The following TNKS variants were observed in gnomAD, a reference collection of about 807,000 sequenced individuals.
The protein encoded by TNKS is tankyrase.
TNKS carries 72 observed loss-of-function variants against 135.8 expected under a neutral mutation model. That is an observed-to-expected ratio of 0.53 (90% CI 0.44 to 0.64). The LOEUF (loss-of-function observed/expected upper bound fraction) is 0.64. Ranked by LOEUF, TNKS falls within the 30% of genes least tolerant of loss-of-function variation. The pLI, the probability that TNKS is intolerant of heterozygous loss-of-function variation, is 0.00. For missense variants in TNKS, 1,769 were observed against 1,674.0 expected (o/e 1.06, Z -0.99); for synonymous variants, 849 against 649.3 (o/e 1.31, Z -4.68).
rs142544035 is a variant in TNKS, at chr8:9,665,966, C to G, written c.995-13985C>G. 6.2e-3 allele frequency among the ~76,000 whole-genome samples: 950 copies of G among 152,240 alleles called. 12 individuals are homozygous for G. Among genetic ancestry groups the G allele is most frequent in the East Asian group, 0.047 (243 of 5,182 alleles). On this transcript the variant is annotated intron_variant, in intron 3 of 26. Transcript: ENST00000310430. ...TACTACTCTTCTCTCTTCTTCCTCCCCTCCTCTTTTTTTCTCTCTGTCCTC... is the reference window on the plus strand; with the variant it reads ...TACTACTCTTCTCTCTTCTTCCTCCGCTCCTCTTTTTTTCTCTCTGTCCTC...
At chr8:9,623,584 GA>G (rs1799946272) in intron 3 of TNKS, among the ~76,000 whole-genome samples, 1 of 152,130 alleles carries the variant, frequency 6.6e-6, no homozygotes. Flanking sequence ...CATGCTGTTA[GA>G]AAAATGGTGC....
At chr8:9,684,603 A>G (rs1039192320) in intron 5 of TNKS, among the ~76,000 whole-genome samples, 38 of 152,262 alleles carry the variant, frequency 2.5e-4, no homozygotes, top group African/African-American at 9.1e-4. Context: ...CTTTGAATAT[A>G]TCTACTCTGC....
chr8:9,739,846 A>C (rs1805832564), intron 17 of TNKS, among the ~76,000 whole-genome samples: 1 of 48,480 alleles, frequency 2.1e-5, no homozygotes. Flanking sequence ...ATAGGTGGGA[A>C]TTGAACAATG....
chr8:9,637,934 C>T (rs1479889576), intron 3 of TNKS, among the ~76,000 whole-genome samples: 3 of 151,988 alleles, frequency 2.0e-5, no homozygotes, highest in African/African-American at 4.8e-5. Context: ...AATGTGTGCC[C>T]TTCTGAATAT....
chr8:9,611,718 A>G (rs558130365), intron 2 of TNKS, among the ~76,000 whole-genome samples: 1 of 152,356 alleles, frequency 6.6e-6, no homozygotes, highest in South Asian at 2.1e-4. Flanking sequence ...ATAGTCCCAC[A>G]TAAATCCCCA....
intron 26 of TNKS, among the ~76,000 whole-genome samples, chr8:9,770,818 C>G (rs977462756): frequency 1.3e-5 from 2 of 152,104 alleles, no homozygotes; most frequent in African/African-American, 4.8e-5. Flanking sequence ...CAAAGGAATC[C>G]TGAACTCCTT....
At chr8:9,751,584 T>G in intron 18 of TNKS, 25 bp from the exon 19 acceptor site, 1 of 1,593,852 alleles carries the variant, frequency 6.3e-7, no homozygotes, top group Non-Finnish European at 8.6e-7. Context: ...ATTTTCATGG[T>G]TTTTGTTTTT....
chr8:9,756,843 T>C (rs1307594852), intron 20 of TNKS, among the ~76,000 whole-genome samples: 1 of 152,208 alleles, frequency 6.6e-6, no homozygotes, highest in East Asian at 1.9e-4. Flanking sequence ...TTATTCCCAG[T>C]TGCCTTCCCT....
intron 17 of TNKS, among the ~76,000 whole-genome samples, chr8:9,744,445 G>C (rs1162077167): frequency 1.3e-5 from 2 of 152,076 alleles, no homozygotes; most frequent in Non-Finnish European, 2.9e-5. Flanking sequence ...CAATTAAATG[G>C]CTTTAACTGA....
intron 2 of TNKS, among the ~76,000 whole-genome samples, chr8:9,595,504 G>C (rs1411338279): frequency 6.6e-6 from 1 of 151,770 alleles, no homozygotes; most frequent in Non-Finnish European, 1.5e-5. Context: ...TGATAAAATT[G>C]GGACTGTTTT....
At chr8:9,752,978 AAAAG>A (rs895587435) in intron 20 of TNKS, among the ~76,000 whole-genome samples, 8 of 152,026 alleles carry the variant, frequency 5.3e-5, no homozygotes, top group South Asian at 2.1e-4. Flanking sequence ...AAAAAAAAAA[AAAAG>A]AAAGACTTAT....
intron 2 of TNKS, among the ~76,000 whole-genome samples, chr8:9,603,975 TTAA>T (rs1799121695): frequency 6.6e-6 from 1 of 152,128 alleles, no homozygotes; most frequent in African/African-American, 2.4e-5. Context: ...AACAAAGATG[TTAA>T]TAATTGAAGA....
intron 2 of TNKS, among the ~76,000 whole-genome samples, chr8:9,584,468 GCAGTGGC>G (rs990082815): frequency 1.3e-5 from 2 of 152,100 alleles, no homozygotes; most frequent in Non-Finnish European, 2.9e-5. Context: ...TTTAGTGTGG[GCAGTGGC>G]CTGGTCATAA....
At chr8:9,686,354 C>A (rs1414063486) in intron 5 of TNKS, among the ~76,000 whole-genome samples, 1 of 152,148 alleles carries the variant, frequency 6.6e-6, no homozygotes, top group East Asian at 1.9e-4. Context: ...CAATTTAACC[C>A]CATCTGAGTT....
At chr8:9,618,285 C>T (rs527384393) in intron 3 of TNKS, among the ~76,000 whole-genome samples, 27 of 152,304 alleles carry the variant, frequency 1.8e-4, no homozygotes, top group Admixed American at 3.9e-4. Context: ...CTAATACCAT[C>T]TTATACATAA....
At chr8:9,597,566 C>G (rs1798838026) in intron 2 of TNKS, among the ~76,000 whole-genome samples, 1 of 152,154 alleles carries the variant, frequency 6.6e-6, no homozygotes, top group African/African-American at 2.4e-5. Flanking sequence ...GGAGATATTG[C>G]ATATAGGATT....
chr8:9,612,489 G>C (rs1799497762), intron 2 of TNKS, among the ~76,000 whole-genome samples: 1 of 152,090 alleles, frequency 6.6e-6, no homozygotes, highest in Non-Finnish European at 1.5e-5. Context: ...ATGGTCCGTA[G>C]GCCAAACCCA....
At chr8:9,672,987 A>G (rs1378479452) in intron 3 of TNKS, among the ~76,000 whole-genome samples, 1 of 152,194 alleles carries the variant, frequency 6.6e-6, no homozygotes, top group Non-Finnish European at 1.5e-5. Flanking sequence ...AGAAAGTCCC[A>G]CTGGTTAACA....
rs370349163 is a variant in TNKS, at chr8:9,751,786, G to A, written c.3010G>A (p.Val1004Ile). 106 of 1,614,190 alleles carry A rather than the reference G, an allele frequency of 6.6e-5. No homozygotes were observed. The Middle Eastern group carries it at 6.6e-4, about 10-fold the overall frequency. Residue 1004 changes from valine to isoleucine, a missense_variant, in exon 19 of 27, where the codon GTA becomes ATA. This residue lies in a region of TNKS where 722 missense variants were observed against 688.9 expected (regional missense o/e 1.05). Coordinates refer to ENST00000310430, the MANE Select transcript of TNKS (RefSeq NM_003747.3). ...NLTGPLAELA[V>I]GGASNAGDGA... The stretch of plus-strand genomic sequence containing the variant: ...CACTGGCCCTTTAGCAGAGTTGGCC[G>A]TAGGAGGAGCCTCCAATGCAGGGGA...
Sources: allele counts gnomAD v4.1 joint callset (sites outside exome capture counted in the v4.1 genomes callset), GRCh38; gene constraint gnomAD v4.1.1; regional missense constraint gnomAD v4.1.1; transcripts MANE v1.5; gene names NCBI Gene and HGNC (gene_info 2026-07-23, HGNC 2026-07-21).